Variants in KCTD3 observed in about 807,000 individuals in gnomAD.
KCTD3 encodes the protein potassium channel tetramerization domain containing 3.
KCTD3 carries 41 observed loss-of-function variants against 85.8 expected under a neutral mutation model. The ratio of observed to expected loss-of-function variants is 0.48; its 90% CI spans 0.37 to 0.62. KCTD3 has a LOEUF of 0.62. Ranked by LOEUF, KCTD3 falls within the 20% of genes least tolerant of loss-of-function variation. The pLI is 0.00. For synonymous variants in KCTD3, 338 were observed against 345.4 expected (o/e 0.98, Z 0.24); for missense variants, 724 against 989.9 (o/e 0.73, Z 3.60).
chr1:215,572,268 G>A (rs1042194669), intron 1 of KCTD3, among the ~76,000 whole-genome samples: 1 of 152,160 alleles, frequency 6.6e-6, no homozygotes, highest in Non-Finnish European at 1.5e-5. Flanking sequence ...TGTGTGCTAG[G>A]TGCTAAGAAC....
Position 215,586,579 on chromosome 1 carries a change from G to C in KCTD3, c.711G>C (p.Lys237Asn). 2 of 1,614,078 alleles carry C rather than the reference G, an allele frequency of 1.2e-6. No homozygotes were observed. The highest frequency in any genetic ancestry group is 1.7e-6 in the Non-Finnish European group (2 of 1,179,986). The change falls in exon 9 of 18, where the codon AAG (lysine) becomes AAC (asparagine). Residue 237 changes from lysine to asparagine, a missense_variant. Around this residue, in one of 6 missense-constraint regions of KCTD3, gnomAD observed 146 missense variants for 320.3 expected, o/e 0.46. Transcript: ENST00000259154. ...WTIERVALNA[K>N]VVGGPHGDKD... Reference sequence around the variant, plus strand: ...TCGAACGAGTAGCTTTAAATGCAAAGGTGGTTGGAGGGCCACATGGAGACA... The same window carrying C: ...TCGAACGAGTAGCTTTAAATGCAAACGTGGTTGGAGGGCCACATGGAGACA...
rs767858599 is a variant in KCTD3 at position 215,608,063 on chromosome 1, C to T, written c.1356C>T (p.Phe452=). The change falls in exon 14 of 18, where the codon TTC becomes TTT. Residue 452 remains phenylalanine (F), a synonymous_variant. Coordinates refer to ENST00000259154, the MANE Select transcript of KCTD3 (RefSeq NM_016121.5). The part of the protein sequence containing the change: ...NHVRTWTVTR[F]RGMISTQPGS... ...TCCGGACGTGGACAGTAACACGATT[C>T]AGAGGAATGATCTCTACTCAGCCAG... is the stretch of plus-strand genomic sequence containing the variant. The T allele has an allele frequency of 1.2e-6, 2 of 1,611,822 alleles. No individual in the cohort carries two copies. The highest frequency in any genetic ancestry group is 1.7e-6 in the Non-Finnish European group (2 of 1,178,632).
At chr1:215,603,445 A>T (rs1654906938) in intron 12 of KCTD3, among the ~76,000 whole-genome samples, 1 of 152,096 alleles carries the variant, frequency 6.6e-6, no homozygotes, top group South Asian at 2.1e-4. Context: ...GGGTCTGGGC[A>T]CTTTTTGAAA....
rs1371778732 is a variant in KCTD3, at chr1:215,579,024, A to G, written c.422A>G (p.Asn141Ser). ...PPGIPSRKIN[N>S]TVRSADSRNG... ...GGTATTCCTAGTCGTAAAATAAACA[A>G]CACAGTCAGATCTGCTGATTCTAGG... The change falls in exon 7 of 18, where the codon AAC (asparagine) becomes AGC (serine). Residue 141 changes from asparagine (N) to serine (S), a missense_variant. By Grantham distance (46) the Asn-to-Ser change is conservative. Around this residue, in one of 6 missense-constraint regions of KCTD3, gnomAD observed 106 missense variants for 98.2 expected, o/e 1.08. Coordinates refer to ENST00000259154, the MANE Select transcript of KCTD3 (RefSeq NM_016121.5). The G allele has an allele frequency of 1.9e-6, 3 of 1,566,070 alleles. No homozygotes were observed. Among genetic ancestry groups the G allele is most frequent in the Admixed American group, 2.1e-5 (1 of 47,554 alleles).
At chr1:215,602,423 T>G in intron 12 of KCTD3, among the ~76,000 whole-genome samples, 1 of 151,990 alleles carries the variant, frequency 6.6e-6, no homozygotes, top group East Asian at 1.9e-4. Flanking sequence ...GAACTCCCCT[T>G]ACGCTGAATT....
intron 1 of KCTD3, among the ~76,000 whole-genome samples, chr1:215,569,338 C>T (rs944145773): frequency 7.2e-5 from 11 of 151,954 alleles, no homozygotes; most frequent in African/African-American, 2.7e-4. Flanking sequence ...CCAGGATGGT[C>T]TTGATCTCCT....
At position 215,574,132 on chromosome 1, in the gene KCTD3, T is replaced by C. The variant is rs371322135; in HGVS notation, c.183+14T>C. 2.6e-6 allele frequency: 4 copies of C among 1,520,506 alleles called. No homozygotes were observed. In the African/African-American group the frequency reaches 5.4e-5, roughly 21 times the overall value. 94.2% of individuals were successfully genotyped at this position (1,520,506 alleles called of 1,614,324 possible). A position where few individuals can be genotyped will look rare whatever the true frequency, so the allele number is the denominator to read the frequency against. On this transcript the variant is annotated intron_variant, in intron 3 of 17. Transcript: ENST00000259154. ...GAAACTGGTGCTGTGAGTATAATAA[T>C]AATTGATACATATTCCTAAATTAAT...
At chr1:215,569,295 A>G (rs975930096) in intron 1 of KCTD3, among the ~76,000 whole-genome samples, 7 of 151,278 alleles carry the variant, frequency 4.6e-5, no homozygotes, top group Non-Finnish European at 1.0e-4. Flanking sequence ...TAATTTTTGC[A>G]TTTTTAGTAG....
intron 15 of KCTD3, among the ~76,000 whole-genome samples, chr1:215,615,545 G>A (rs1181698620): frequency 2.6e-5 from 4 of 151,792 alleles, no homozygotes; most frequent in Non-Finnish European, 4.4e-5. Flanking sequence ...GCATGAACCC[G>A]GGAGATGGAG....
chr1:215,617,854 G>A lies in KCTD3; in HGVS notation c.1563-1032G>A, dbSNP rs12568192. On this transcript the variant is annotated intron_variant, in intron 15 of 17. Transcript: ENST00000259154. ...TATATTACATATATTTAGTATATACGTAATATATATTAAATATATATAATA... is the reference window on the plus strand; with the variant it reads ...TATATTACATATATTTAGTATATACATAATATATATTAAATATATATAATA... 6.0e-4 allele frequency among the ~76,000 whole-genome samples: 87 copies of A among 145,776 alleles called. No individual in the cohort carries two copies. The East Asian group carries it at 6.7e-3, about 11-fold the overall frequency.
intron 12 of KCTD3, 132 bp downstream of exon 12, chr1:215,602,333 C>A (rs1034936798): frequency 1.6e-5 from 8 of 506,198 alleles, no homozygotes; most frequent in African/African-American, 7.8e-5. Context: ...TTCATCTCTA[C>A]TAAGTCTAAA....
rs902224291 is a variant in KCTD3 at position 215,621,486 on chromosome 1, G to A, written c.*868G>A. 3.3e-5 allele frequency: 5 copies of A among 152,182 alleles called. No homozygotes were observed. Among genetic ancestry groups the A allele is most frequent in the East Asian group, 3.9e-4 (2 of 5,190 alleles). 9.4% of individuals were successfully genotyped at this position (152,182 alleles called of 1,614,324 possible). On this transcript the variant is annotated 3_prime_UTR_variant, in exon 18 of 18. Transcript: ENST00000259154. ...CACTAGTTTGTTCACTTGTAGGACT[G>A]CAGTTCTGAATTTTGGGTTAAAGGT... is the stretch of plus-strand genomic sequence containing the variant.
chr1:215,596,875 C>A (rs576970212), intron 10 of KCTD3, among the ~76,000 whole-genome samples: 2 of 152,158 alleles, frequency 1.3e-5, no homozygotes, highest in East Asian at 3.9e-4. Context: ...AGATTATTTC[C>A]GGTCCCATAA....
intron 9 of KCTD3, among the ~76,000 whole-genome samples, chr1:215,592,834 T>C (rs1008055128): frequency 3.3e-5 from 5 of 152,222 alleles, no homozygotes; most frequent in African/African-American, 7.2e-5. Context: ...GGGTTTCTGC[T>C]ATAAGCAATA....
chr1:215,577,206 G>A (rs565506837), intron 4 of KCTD3, among the ~76,000 whole-genome samples: 20 of 151,400 alleles, frequency 1.3e-4, no homozygotes, highest in African/African-American at 4.8e-4. Context: ...CACTATGCTA[G>A]GCACTGTGAG....
At chr1:215,588,377 A>G (rs1660091712) in intron 9 of KCTD3, among the ~76,000 whole-genome samples, 1 of 151,490 alleles carries the variant, frequency 6.6e-6, no homozygotes, top group Non-Finnish European at 1.5e-5. Context: ...AGACCATTAC[A>G]TTCTCTGCCA....
chr1:215,588,395 T>G (rs1372306519), intron 9 of KCTD3, among the ~76,000 whole-genome samples: 1 of 151,910 alleles, frequency 6.6e-6, no homozygotes, highest in East Asian at 2.0e-4. Context: ...CCACAGACTT[T>G]CGGGAACATA....
Position 215,619,304 on chromosome 1 carries a change from G to A in KCTD3, c.1886+13G>A, listed in dbSNP as rs1304090629. The A allele has an allele frequency of 1.9e-6, 3 of 1,603,350 alleles. No individual in the cohort carries two copies. The highest frequency in any genetic ancestry group is 3.4e-5 in the Admixed American group (2 of 58,552). ...AATCAAATTCTAGGTAGGTTAAAGA[G>A]TTGGGTATTATAAACAAAATTTATT... On this transcript the variant is annotated intron_variant, in intron 17 of 17. Transcript: ENST00000259154.
chr1:215,573,961 C>A, intron 2 of KCTD3, 112 bp from the exon 3 acceptor site: 1 of 967,832 alleles, frequency 1.0e-6, no homozygotes, highest in Non-Finnish European at 1.5e-6. Flanking sequence ...TATTTTTGAA[C>A]TTGGAAGATA....
Sources: gnomAD v4.1 joint callset for allele counts (sites outside exome capture counted in the v4.1 genomes callset) on GRCh38, gnomAD v4.1.1 for gene constraint, gnomAD v4.1.1 regional missense constraint, MANE v1.5 for transcripts, NCBI Gene and HGNC (gene_info 2026-07-23, HGNC 2026-07-21) for gene names.